PRKCE: variants seen among roughly 807,000 people sequenced by gnomAD.
PRKCE encodes the protein protein kinase C epsilon.
A neutral mutation model predicts 85.4 loss-of-function variants in PRKCE; 16 were observed. The observed-to-expected ratio is 0.19, with a 90% CI of 0.13 to 0.28. The LOEUF (loss-of-function observed/expected upper bound fraction) is 0.28. Among genes scored for constraint, PRKCE ranks in the 10% least tolerant of loss-of-function variants. PRKCE has a pLI of 1.00. For missense variants in PRKCE, 573 were observed against 975.2 expected, an observed-to-expected ratio of 0.59 and a Z score of 5.49; for synonymous variants, 388 against 371.5, an observed-to-expected ratio of 1.04 and a Z score of -0.51.
chr2:45,762,216 G>A (rs1684566298), intron 1 of PRKCE, among the ~76,000 whole-genome samples: 1 of 152,254 alleles, frequency 6.6e-6, no homozygotes, highest in South Asian at 2.1e-4. Context: ...AAGGATTTAG[G>A]ACTCTTGCTG....
At position 45,923,063 on chromosome 2, in the gene PRKCE, C is replaced by A. The variant is rs1016020987; in HGVS notation, c.413-53366C>A. 2.6e-5 allele frequency among the ~76,000 whole-genome samples: 4 copies of A among 152,182 alleles called. No homozygotes were observed. The South Asian group carries it at 6.2e-4, about 24-fold the overall frequency. ...TAAAGGAAAGAAACAGATACTGAAC[C>A]CTTGTGCTTATAACAGAGGACAGGA... On this transcript the variant is annotated intron_variant, in intron 2 of 14. Transcript: ENST00000306156.
intron 10 of PRKCE, among the ~76,000 whole-genome samples, chr2:46,057,311 T>C (rs1406297362): frequency 6.6e-6 from 1 of 152,248 alleles, no homozygotes; most frequent in Non-Finnish European, 1.5e-5. Context: ...GTAACGATCT[T>C]GAGAAAATTT....
At chr2:45,934,889 CAAAAA>C in intron 2 of PRKCE, among the ~76,000 whole-genome samples, 1 of 108,882 alleles carries the variant, frequency 9.2e-6, no homozygotes, top group Non-Finnish European at 1.9e-5. Flanking sequence ...CATGTCTCTA[CAAAAA>C]AAAAAAAAAA....
chr2:45,806,945 G>C, intron 1 of PRKCE, among the ~76,000 whole-genome samples: 1 of 152,272 alleles, frequency 6.6e-6, no homozygotes, highest in Non-Finnish European at 1.5e-5. Flanking sequence ...AGGATGTTTT[G>C]CCTAGAGAGC....
intron 1 of PRKCE, among the ~76,000 whole-genome samples, chr2:45,708,657 G>A (rs943212282): frequency 1.3e-5 from 2 of 152,240 alleles, no homozygotes; most frequent in African/African-American, 4.8e-5. Context: ...CCTCGGGTAT[G>A]TCTTTATCAG....
chr2:46,152,418 G>A (rs929881856), intron 13 of PRKCE, among the ~76,000 whole-genome samples: 1 of 151,892 alleles, frequency 6.6e-6, no homozygotes, highest in Non-Finnish European at 1.5e-5. Flanking sequence ...TTGACCTCAG[G>A]TGATCCGCCC....
At chr2:46,149,521 G>A (rs532120084) in intron 12 of PRKCE, among the ~76,000 whole-genome samples, 24 of 152,252 alleles carry the variant, frequency 1.6e-4, no homozygotes, top group African/African-American at 5.1e-4. Context: ...TCTCTTCCTT[G>A]TAGAGTGGAC....
rs571093549 is a variant in PRKCE, at chr2:45,944,572, G to A, written c.413-31857G>A. 4.0e-5 allele frequency among the ~76,000 whole-genome samples: 6 copies of A among 150,904 alleles called. No individual in the cohort carries two copies. In the South Asian group the frequency reaches 1.0e-3, roughly 26 times the overall value. On this transcript the variant is annotated intron_variant, in intron 2 of 14. Coordinates refer to ENST00000306156, the MANE Select transcript of PRKCE (RefSeq NM_005400.3). ...GATGTGATCTCAGCTCACTGCAACC[G>A]CAGCCTCCCAGGCTCGAATGATACT...
At chr2:46,030,271 A>C (rs1558981492) in intron 10 of PRKCE, among the ~76,000 whole-genome samples, 2 of 152,172 alleles carry the variant, frequency 1.3e-5, no homozygotes, top group East Asian at 1.9e-4. Flanking sequence ...TTGTTGAAAA[A>C]CAAGCTTATT....
chr2:46,031,160 T>C (rs1474744273), intron 10 of PRKCE, among the ~76,000 whole-genome samples: 1 of 152,220 alleles, frequency 6.6e-6, no homozygotes, highest in Non-Finnish European at 1.5e-5. Context: ...GCTTTACAAA[T>C]AAACGAAAAG....
rs1703166671 is a variant in PRKCE at position 45,984,673 on chromosome 2, G to A, written c.816G>A (p.Gln272=). 2 of 1,598,958 alleles carry A rather than the reference G, an allele frequency of 1.3e-6. No homozygotes were observed. Among genetic ancestry groups the A allele is most frequent in the Non-Finnish European group, 1.7e-6 (2 of 1,179,358 alleles). The change falls in exon 6 of 15, where the codon CAG becomes CAA. Residue 272 remains glutamine, a synonymous_variant. Coordinates refer to ENST00000306156, the MANE Select transcript of PRKCE (RefSeq NM_005400.3). ...GGGGACTCTTGCGGCAGGGTTTGCAGTGTAAAGGTAAGTTGCTCCCTGCCC... is the reference window on the plus strand; with the variant it reads ...GGGGACTCTTGCGGCAGGGTTTGCAATGTAAAGGTAAGTTGCTCCCTGCCC... ...LLWGLLRQGL[Q]CKVCKMNVHR...
intron 2 of PRKCE, among the ~76,000 whole-genome samples, chr2:45,893,953 G>A (rs1695937333): frequency 6.6e-6 from 1 of 152,104 alleles, no homozygotes; most frequent in African/African-American, 2.4e-5. Context: ...TTCCGGGCAA[G>A]GGACTTCTAA....
In PRKCE at chr2:46,145,041, C is replaced by T. The variant is rs1378061699; in HGVS notation, c.1593-52C>T. 2 of 1,591,998 alleles carry T rather than the reference C, an allele frequency of 1.3e-6. No individual in the cohort carries two copies. Among genetic ancestry groups the T allele is most frequent in the African/African-American group, 2.7e-5 (2 of 74,784 alleles). On this transcript the variant is annotated intron_variant, in intron 11 of 14. Transcript: ENST00000306156. This position sits in a 1 kb window ranked among gnomAD's most constrained non-coding sequence, Gnocchi z 4.6. ...GGCACATACCTCCAACTCAGGAAGACTATATTGGGGTGAGTGACGTATTGA... is the reference window on the plus strand; with the variant it reads ...GGCACATACCTCCAACTCAGGAAGATTATATTGGGGTGAGTGACGTATTGA...
chr2:45,791,964 T>A (rs1388422751), intron 1 of PRKCE, among the ~76,000 whole-genome samples: 4 of 152,262 alleles, frequency 2.6e-5, no homozygotes, highest in South Asian at 2.1e-4. Flanking sequence ...AATGACCACA[T>A]GCCTGTAGTG....
At position 45,848,110 on chromosome 2, in the gene PRKCE, G is replaced by T. The variant is rs79046765; in HGVS notation, c.412+5047G>T. 6.9e-3 allele frequency among the ~76,000 whole-genome samples: 1,052 copies of T among 152,276 alleles called. 1 individual carries two copies. Among genetic ancestry groups the T allele is most frequent in the Non-Finnish European group, 0.01 (707 of 68,018 alleles). On this transcript the variant is annotated intron_variant, in intron 2 of 14. Transcript: ENST00000306156. The stretch of plus-strand genomic sequence containing the variant: ...CAGGGCTGAAATCAAAGTGAAAGGG[G>T]TTTTTCTCTTGAAACTCTGTCTTAG...
rs34589907 is a variant in PRKCE at position 45,751,809 on chromosome 2, A to ATT, written c.349-91166_349-91165dup. ...ACTCCAGCCTCCAAAGCTAACCACTATTTTTTTTTTTTTTTTTTTTTTTTT... is the reference window on the plus strand; with the variant it reads ...ACTCCAGCCTCCAAAGCTAACCACTATTTTTTTTTTTTTTTTTTTTTTTTTTT... On this transcript the variant is annotated intron_variant, in intron 1 of 14. Transcript: ENST00000306156. Among the ~76,000 whole-genome samples, 302 of 78,506 alleles carry ATT rather than the reference A, an allele frequency of 3.8e-3. 45 individuals are homozygous for ATT. Among genetic ancestry groups the ATT allele is most frequent in the African/African-American group, 0.015 (259 of 17,696 alleles). 51.5% of individuals were successfully genotyped at this position (78,506 alleles called of 152,430 possible).
intron 1 of PRKCE, among the ~76,000 whole-genome samples, chr2:45,739,387 G>A (rs888412015): frequency 2.6e-5 from 4 of 152,166 alleles, no homozygotes; most frequent in Non-Finnish European, 4.4e-5. Context: ...GAGTTTAGGG[G>A]CAGCTGTTGA....
intron 2 of PRKCE, among the ~76,000 whole-genome samples, chr2:45,880,203 T>C (rs1460919973): frequency 1.3e-5 from 2 of 152,246 alleles, no homozygotes; most frequent in South Asian, 2.1e-4. Context: ...GATTTCATTC[T>C]TTTTTATGGC....
chr2:45,856,446 G>A (rs1692683352), intron 2 of PRKCE, among the ~76,000 whole-genome samples: 2 of 152,202 alleles, frequency 1.3e-5, no homozygotes, highest in Admixed American at 6.5e-5. Flanking sequence ...GGTCAGGCTA[G>A]TCTCGAACTC....
Sources: allele counts gnomAD v4.1 joint callset (sites outside exome capture counted in the v4.1 genomes callset), GRCh38; gene constraint gnomAD v4.1.1; non-coding constraint Gnocchi (gnomAD v3.1); transcripts MANE v1.5; gene names NCBI Gene and HGNC (gene_info 2026-07-23, HGNC 2026-07-21).